Variants in ERBB4 observed in about 807,000 individuals in gnomAD.
The protein encoded by ERBB4 is receptor tyrosine-protein kinase erbB-4.
In ERBB4, 42 loss-of-function variants were observed where a neutral mutation model predicts 158.0. The observed-to-expected ratio is 0.27, with a 90% CI of 0.21 to 0.34. The LOEUF (loss-of-function observed/expected upper bound fraction) is 0.34. ERBB4 is among the 10% of genes least tolerant of loss of function. The probability of loss-of-function intolerance (pLI) is 1.00; values close to 1 mark genes in which losing one functional copy is unlikely to be tolerated. For missense variants in ERBB4, 1,333 were observed against 1,624.1 expected, an observed-to-expected ratio of 0.82 and a Z score of 3.08; for synonymous variants, 583 against 558.7, an observed-to-expected ratio of 1.04 and a Z score of -0.61.
chr2:211,768,315 T>G (rs1285720060), intron 4 of ERBB4, among the ~76,000 whole-genome samples: 26 of 152,144 alleles, frequency 1.7e-4, no homozygotes, highest in Non-Finnish European at 4.4e-5. Flanking sequence ...TATCTGCAGC[T>G]TTTCCAGGCA....
At chr2:212,087,170 C>CAT (rs907997752) in intron 2 of ERBB4, among the ~76,000 whole-genome samples, 4 of 151,726 alleles carry the variant, frequency 2.6e-5, no homozygotes, top group African/African-American at 7.3e-5. Flanking sequence ...TCAACACACA[C>CAT]ATACACACAC....
intron 12 of ERBB4, among the ~76,000 whole-genome samples, chr2:211,688,530 T>C (rs1233931949): frequency 1.3e-5 from 2 of 152,212 alleles, no homozygotes; most frequent in African/African-American, 4.8e-5. Context: ...TTGCAAACTA[T>C]TGTTTCATCT....
intron 1 of ERBB4, among the ~76,000 whole-genome samples, chr2:212,126,097 GATA>G (rs532803351): frequency 4.6e-5 from 7 of 152,274 alleles, no homozygotes; most frequent in Admixed American, 4.6e-4. Flanking sequence ...ATAATGGACT[GATA>G]ATAAATAATC....
At chr2:212,333,378 A>AATATAT (rs57424089) in intron 1 of ERBB4, among the ~76,000 whole-genome samples, 1 of 150,412 alleles carries the variant, frequency 6.6e-6, no homozygotes, top group East Asian at 2.0e-4. Flanking sequence ...GGTAGCTTTA[A>AATATAT]ATATATATAT....
At chr2:211,388,124 G>C (rs2062726363) in intron 25 of ERBB4, 132 bp from the exon 26 acceptor site, 8 of 722,482 alleles carry the variant, frequency 1.1e-5, no homozygotes, top group South Asian at 7.9e-5. Flanking sequence ...CAACAGTGAA[G>C]CTTCCTAAGC....
At chr2:212,497,429 T>C (rs970332067) in intron 1 of ERBB4, among the ~76,000 whole-genome samples, 2 of 152,172 alleles carry the variant, frequency 1.3e-5, no homozygotes, top group Admixed American at 6.6e-5. Flanking sequence ...ATCCTAAGTT[T>C]TCTGTCCATT....
chr2:212,188,184 G>GTCTC (rs1169851002), intron 1 of ERBB4, among the ~76,000 whole-genome samples: 1 of 20,518 alleles, frequency 4.9e-5, no homozygotes, highest in African/African-American at 1.4e-4. Context: ...ATACCTTCAG[G>GTCTC]TCTCTCTCTC....
intron 1 of ERBB4, among the ~76,000 whole-genome samples, chr2:212,159,163 T>C (rs989967044): frequency 6.6e-6 from 1 of 151,934 alleles, no homozygotes; most frequent in African/African-American, 2.4e-5. Context: ...CACATGGACT[T>C]AGAAACACTT....
chr2:212,029,460 AACTC>A (rs749978842), intron 2 of ERBB4, among the ~76,000 whole-genome samples: 10 of 152,086 alleles, frequency 6.6e-5, no homozygotes, highest in Non-Finnish European at 1.3e-4. Context: ...AAACATAACT[AACTC>A]CTATTGTCTA....
At chr2:212,369,611 T>C (rs2106380243) in intron 1 of ERBB4, among the ~76,000 whole-genome samples, 1 of 152,298 alleles carries the variant, frequency 6.6e-6, no homozygotes, top group Non-Finnish European at 1.5e-5. Context: ...ATGGCATTTG[T>C]TTACTTTAAT....
chr2:211,978,396 G>GTCTTTCTTTCTA, intron 2 of ERBB4, among the ~76,000 whole-genome samples: 1 of 136,652 alleles, frequency 7.3e-6, no homozygotes, highest in African/African-American at 2.8e-5. Context: ...CTGTCTGTCT[G>GTCTTTCTTTCTA]TCTATCTATC....
chr2:211,892,553 G>A (rs1423321163), intron 3 of ERBB4, among the ~76,000 whole-genome samples: 3 of 142,360 alleles, frequency 2.1e-5, no homozygotes, highest in Non-Finnish European at 4.6e-5. Flanking sequence ...GGAAGTTCTG[G>A]CCAGGGCAAT....
At chr2:212,353,954 A>G (rs1350785802) in intron 1 of ERBB4, among the ~76,000 whole-genome samples, 1 of 152,120 alleles carries the variant, frequency 6.6e-6, no homozygotes. Context: ...CATGTGCTAG[A>G]TGGTGTAGCC....
rs186228022 is a variant in ERBB4 at position 212,248,207 on chromosome 2, T to G, written c.83-123304A>C. On this transcript the variant is annotated intron_variant, in intron 1 of 27. Coordinates refer to ENST00000342788, the MANE Select transcript of ERBB4 (RefSeq NM_005235.3). ...AAGAAATATGTGTTTAGTGCCTTCA[T>G]AATCATCAAAATTAAAGAATTTACT... Among the ~76,000 whole-genome samples, 531 of 152,276 alleles carry G rather than the reference T, an allele frequency of 3.5e-3. 5 individuals are homozygous for G. Among genetic ancestry groups the G allele is most frequent in the Admixed American group, 0.015 (236 of 15,296 alleles).
At chr2:212,451,440 C>T (rs2092444523) in intron 1 of ERBB4, among the ~76,000 whole-genome samples, 1 of 152,120 alleles carries the variant, frequency 6.6e-6, no homozygotes, top group East Asian at 1.9e-4. Context: ...ATGTCTTTGA[C>T]CTATGTAAGG....
chr2:211,561,699 C>A, intron 20 of ERBB4: 1 of 577,258 alleles, frequency 1.7e-6, no homozygotes. Context: ...AAAAATGATA[C>A]AACACAATAA....
At chr2:211,594,179 A>G (rs2068559029) in intron 19 of ERBB4, among the ~76,000 whole-genome samples, 1 of 152,148 alleles carries the variant, frequency 6.6e-6, no homozygotes, top group South Asian at 2.1e-4. Context: ...GCTCACACCT[A>G]TAATCCCAGC....
chr2:211,472,299 A>C (rs964289345), intron 20 of ERBB4, among the ~76,000 whole-genome samples: 5 of 149,052 alleles, frequency 3.4e-5, no homozygotes, highest in African/African-American at 1.2e-4. Flanking sequence ...AATAATATTT[A>C]TTATAAATCT....
At chr2:211,468,140 C>T (rs2064741756) in intron 20 of ERBB4, among the ~76,000 whole-genome samples, 1 of 151,984 alleles carries the variant, frequency 6.6e-6, no homozygotes, top group African/African-American at 2.4e-5. Context: ...TTCATGTAAA[C>T]CATTTTGGAG....
Sources: allele counts gnomAD v4.1 joint callset (sites outside exome capture counted in the v4.1 genomes callset), GRCh38; gene constraint gnomAD v4.1.1; transcripts MANE v1.5; gene names NCBI Gene and HGNC (gene_info 2026-07-23, HGNC 2026-07-21).